The following LRRC8D variants were observed in gnomAD, a reference collection of about 807,000 sequenced individuals.
LRRC8D encodes the protein volume-regulated anion channel subunit LRRC8D.
A neutral mutation model predicts 55.8 loss-of-function variants in LRRC8D; 20 were observed. The ratio of observed to expected loss-of-function variants is 0.36; its 90% confidence interval spans 0.25 to 0.52. LRRC8D has a LOEUF of 0.52. LRRC8D is among the 20% of genes least tolerant of loss of function. The pLI, the probability that LRRC8D is intolerant of heterozygous loss-of-function variation, is 0.93. For missense variants in LRRC8D, 651 were observed against 1,030.8 expected, an observed-to-expected ratio of 0.63 and a Z score of 5.05; for synonymous variants, 352 against 377.0, an observed-to-expected ratio of 0.93 and a Z score of 0.77.
chr1:89,901,476 TG>T (rs887667197), intron 2 of LRRC8D, among the ~76,000 whole-genome samples: 1 of 152,212 alleles, frequency 6.6e-6, no homozygotes, highest in African/African-American at 2.4e-5. Context: ...ACTGCACCAT[TG>T]CCCAGTCCCC....
chr1:89,918,186 AT>A (rs1316158899), intron 2 of LRRC8D, among the ~76,000 whole-genome samples: 2 of 152,258 alleles, frequency 1.3e-5, no homozygotes. Context: ...TCCATGGCTC[AT>A]ACCATTTCAT....
chr1:89,853,363 C>A (rs570281387), intron 2 of LRRC8D, among the ~76,000 whole-genome samples: 1 of 152,036 alleles, frequency 6.6e-6, no homozygotes, highest in South Asian at 2.1e-4. Context: ...GGCCTGAGCC[C>A]CAGGAGAGAA....
chr1:89,844,672 A>G (rs1661228600), intron 2 of LRRC8D, among the ~76,000 whole-genome samples: 1 of 152,202 alleles, frequency 6.6e-6, no homozygotes, highest in African/African-American at 2.4e-5. Context: ...ATAAAACACT[A>G]GGGTTGGTTT....
intron 2 of LRRC8D, among the ~76,000 whole-genome samples, chr1:89,897,215 T>G (rs1406703168): frequency 1.3e-5 from 2 of 152,248 alleles, no homozygotes; most frequent in Non-Finnish European, 2.9e-5. Flanking sequence ...GCAATATACC[T>G]TCTTGCTAGT....
At chr1:89,931,566 C>T (rs1663706412) in intron 2 of LRRC8D, among the ~76,000 whole-genome samples, 3 of 152,104 alleles carry the variant, frequency 2.0e-5, no homozygotes, top group African/African-American at 7.2e-5. Context: ...CGAGACCAGC[C>T]TGGCCAATAT....
At chr1:89,835,822 T>A (rs950371893) in intron 1 of LRRC8D, among the ~76,000 whole-genome samples, 1 of 152,234 alleles carries the variant, frequency 6.6e-6, no homozygotes, top group African/African-American at 2.4e-5. Context: ...GTTATTATTG[T>A]CATTAATTCT....
At chr1:89,917,682 C>G (rs570451434) in intron 2 of LRRC8D, among the ~76,000 whole-genome samples, 70 of 152,288 alleles carry the variant, frequency 4.6e-4, no homozygotes, top group African/African-American at 1.6e-3. Flanking sequence ...CCCCATTATG[C>G]ACTTTCATAG....
In LRRC8D at chr1:89,911,580, A is replaced by G. The variant is rs1295593630; in HGVS notation, c.-2-21487A>G. Among the ~76,000 whole-genome samples, 3 of 152,042 alleles carry G rather than the reference A, an allele frequency of 2.0e-5. No homozygotes were observed. Among genetic ancestry groups the G allele is most frequent in the Non-Finnish European group, 4.4e-5 (3 of 68,010 alleles). ...CCTCTACTCCTTTCCTATCCTGAAA[A>G]ATACACCCTCCCATCATACCTGCCT... On this transcript the variant is annotated intron_variant, in intron 2 of 2. Coordinates refer to ENST00000337338, the MANE Select transcript of LRRC8D (RefSeq NM_001134479.2). The surrounding 1 kb of genome is among the most constrained non-coding windows in gnomAD (Gnocchi z 4.0).
chr1:89,878,948 CAA>C (rs1261221884), intron 2 of LRRC8D, among the ~76,000 whole-genome samples: 1 of 125,854 alleles, frequency 7.9e-6, no homozygotes, highest in Non-Finnish European at 1.6e-5. Context: ...GCCTGGGCAA[CAA>C]GAGCGAAAAT....
intron 2 of LRRC8D, among the ~76,000 whole-genome samples, chr1:89,924,567 T>C (rs1663507272): frequency 6.6e-6 from 1 of 152,208 alleles, no homozygotes; most frequent in Non-Finnish European, 1.5e-5. Flanking sequence ...CTATTGTGTA[T>C]ATACCCAAAG....
At chr1:89,832,857 G>A (rs1481205379) in intron 1 of LRRC8D, among the ~76,000 whole-genome samples, 1 of 152,204 alleles carries the variant, frequency 6.6e-6, no homozygotes, top group Non-Finnish European at 1.5e-5. Context: ...AATAAGACTA[G>A]GAAACACTTC....
intron 2 of LRRC8D, among the ~76,000 whole-genome samples, chr1:89,864,382 G>A (rs1473796852): frequency 6.6e-6 from 1 of 151,904 alleles, no homozygotes; most frequent in Middle Eastern, 3.2e-3. Context: ...ACAAGGAGTT[G>A]TAATTCTTCC....
intron 2 of LRRC8D, among the ~76,000 whole-genome samples, chr1:89,879,537 T>C (rs1011885696): frequency 6.6e-6 from 1 of 152,224 alleles, no homozygotes; most frequent in Non-Finnish European, 1.5e-5. Context: ...AAAGATATTA[T>C]AACAAAAATA....
chr1:89,917,909 T>A (rs1663314455), intron 2 of LRRC8D, among the ~76,000 whole-genome samples: 1 of 152,138 alleles, frequency 6.6e-6, no homozygotes, highest in African/African-American at 2.4e-5. Context: ...ACATTGACAA[T>A]TCAATTTATA....
chr1:89,890,399 T>C (rs1176965097), intron 2 of LRRC8D, among the ~76,000 whole-genome samples: 1 of 152,202 alleles, frequency 6.6e-6, no homozygotes, highest in Non-Finnish European at 1.5e-5. Context: ...ATTTTCCTGG[T>C]TACAGCCAAC....
rs370472508 is a variant in LRRC8D at position 89,868,595 on chromosome 1, CTA to C, written c.-3+24817_-3+24818del. Among the ~76,000 whole-genome samples, 76 of 152,048 alleles carry C rather than the reference CTA, an allele frequency of 5.0e-4. No homozygotes were observed. In the East Asian group the frequency reaches 7.0e-3, roughly 14 times the overall value. On this transcript the variant is annotated intron_variant, in intron 2 of 2. Coordinates refer to ENST00000337338, the MANE Select transcript of LRRC8D (RefSeq NM_001134479.2). The stretch of plus-strand genomic sequence containing the variant: ...TAAAGAGCTAATTGTTGAGTTCTAA[CTA>C]TATGCCAGGCACGTGCTAAGCAGTG...
At chr1:89,921,135 G>A (rs538285291) in intron 2 of LRRC8D, among the ~76,000 whole-genome samples, 11 of 152,276 alleles carry the variant, frequency 7.2e-5, no homozygotes, top group Admixed American at 3.9e-4. Flanking sequence ...AGGCCAAGGC[G>A]GATGAATCAC....
rs1266679217 is a variant in LRRC8D at position 89,843,750 on chromosome 1, G to T, written c.-35G>T. ...CGCCCAAGCCGCGTCCCCAGAGAGC[G>T]CCCTGAGAGAACAGGGTGGCCGCTT... On this transcript the variant is annotated 5_prime_UTR_variant, in exon 2 of 3. Coordinates refer to ENST00000337338, the MANE Select transcript of LRRC8D (RefSeq NM_001134479.2). 1.4e-6 allele frequency: 1 copy of T among 698,954 alleles called. No individual in the cohort carries two copies. Among genetic ancestry groups the T allele is most frequent in the Non-Finnish European group, 2.6e-6 (1 of 382,976 alleles). The allele number at this position is 698,954 out of a possible 1,614,324, so 43.3% of individuals were successfully genotyped here. A position where few individuals can be genotyped will look rare whatever the true frequency, so the allele number is the denominator to read the frequency against.
chr1:89,847,329 A>T (rs1570816486), intron 2 of LRRC8D, among the ~76,000 whole-genome samples: 1 of 152,200 alleles, frequency 6.6e-6, no homozygotes, highest in East Asian at 1.9e-4. Flanking sequence ...CCTCTGTAAA[A>T]CTGTGGTCAA....
Sources: allele counts gnomAD v4.1 joint callset (sites outside exome capture counted in the v4.1 genomes callset), GRCh38; gene constraint gnomAD v4.1.1; non-coding constraint Gnocchi (gnomAD v3.1); transcripts MANE v1.5; gene names NCBI Gene and HGNC (gene_info 2026-07-23, HGNC 2026-07-21).